The following PLSCR2 variants were observed in gnomAD, a reference collection of about 807,000 sequenced individuals.
PLSCR2 encodes PL scramblase 2.
PLSCR2 carries 18 observed loss-of-function variants against 25.3 expected under a neutral mutation model. The observed-to-expected ratio is 0.71, with a 90% CI of 0.49 to 1.06. The LOEUF is 1.06. Ranked by LOEUF, PLSCR2 falls within the 50% of genes least tolerant of loss-of-function variation. The pLI is 0.00. For synonymous variants in PLSCR2, 88 were observed against 87.3 expected (o/e 1.01, Z -0.04); for missense variants, 243 against 269.5 (o/e 0.90, Z 0.69).
chr3:146,404,331 TATAAG>T (rs1396603778), intron 2 of PLSCR2, among the ~76,000 whole-genome samples: 2 of 152,134 alleles, frequency 1.3e-5, no homozygotes, highest in African/African-American at 4.8e-5. Flanking sequence ...TGAGTGAACA[TATAAG>T]AGAAGGAAGG....
chr3:146,411,860 A>G (rs1322292823), intron 2 of PLSCR2, among the ~76,000 whole-genome samples: 2 of 152,122 alleles, frequency 1.3e-5, no homozygotes, highest in Non-Finnish European at 2.9e-5. Context: ...GGACTTTAAG[A>G]CTATTACAAG....
chr3:146,485,618 A>G (rs1407243710), intron 1 of PLSCR2, among the ~76,000 whole-genome samples: 1 of 152,144 alleles, frequency 6.6e-6, no homozygotes, highest in African/African-American at 2.4e-5. Flanking sequence ...ACCACAGCAC[A>G]ATCAAATTAA....
At chr3:146,439,684 AG>A (rs2040116205), downstream of PLSCR2, among the ~76,000 whole-genome samples, 1 of 152,016 alleles carries the variant, frequency 6.6e-6, no homozygotes. Flanking sequence ...TCTATTTTCA[AG>A]GTTTTTAGCT....
chr3:146,396,491 AT>A (rs1458183670), intron 2 of PLSCR2, among the ~76,000 whole-genome samples: 8 of 152,164 alleles, frequency 5.3e-5, no homozygotes, highest in African/African-American at 1.9e-4. Context: ...GGGTGCTATC[AT>A]GTAGTACAAC....
intron 1 of PLSCR2, among the ~76,000 whole-genome samples, chr3:146,492,160 C>A (rs536737): frequency 6.6e-6 from 1 of 151,986 alleles, no homozygotes; most frequent in Non-Finnish European, 1.5e-5. Context: ...GGAAACAGGC[C>A]TTCAGTTGTA....
At chr3:146,397,987 T>C (rs910083674) in intron 2 of PLSCR2, among the ~76,000 whole-genome samples, 1 of 152,024 alleles carries the variant, frequency 6.6e-6, no homozygotes, top group Non-Finnish European at 1.5e-5. Flanking sequence ...CAGGTAGTAT[T>C]TTAGTTAGGC....
chr3:146,490,388 C>T (rs1166833799), intron 1 of PLSCR2, among the ~76,000 whole-genome samples: 1 of 152,042 alleles, frequency 6.6e-6, no homozygotes, highest in African/African-American at 2.4e-5. Flanking sequence ...GAGAATACTT[C>T]CTTCCTTCTT....
chr3:146,493,630 CT>C (rs2043632980), intron 1 of PLSCR2, among the ~76,000 whole-genome samples: 1 of 151,924 alleles, frequency 6.6e-6, no homozygotes, highest in Admixed American at 6.6e-5. Context: ...AAGAATATAC[CT>C]CAAAATAATA....
In PLSCR2 at chr3:146,460,027, C is replaced by A. The variant is rs1428314573; in HGVS notation, c.-123G>T. The A allele has an allele frequency of 2.5e-6, 4 of 1,600,782 alleles. No individual in the cohort carries two copies. The Admixed American group carries it at 7.0e-5, about 28-fold the overall frequency. ...AAGGCCTGGGAGCCCAGGTGGTCAGCCTGTTTCCCAGTGTGTCCAGCCTGG... is the reference window on the plus strand; with the variant it reads ...AAGGCCTGGGAGCCCAGGTGGTCAGACTGTTTCCCAGTGTGTCCAGCCTGG... On this transcript the variant is annotated 5_prime_UTR_variant, in exon 2 of 7. Coordinates refer to ENST00000610787, the Ensembl canonical transcript of PLSCR2.
intron 1 of PLSCR2, among the ~76,000 whole-genome samples, chr3:146,471,704 T>G (rs147683594): frequency 2.0e-3 from 297 of 152,218 alleles, no homozygotes; most frequent in African/African-American, 6.9e-3. Context: ...GTAGCTGGGA[T>G]TACAGGCATA....
downstream of PLSCR2, among the ~76,000 whole-genome samples, chr3:146,440,548 C>A (rs980954489): frequency 1.3e-5 from 2 of 152,354 alleles, no homozygotes; most frequent in African/African-American, 4.8e-5. Context: ...GCGAGCGAGG[C>A]TCCATGGGCA....
In PLSCR2 at chr3:146,469,568, T is replaced by G. The variant is rs1342548346; in HGVS notation, c.-292-9284A>C. 5.1e-6 allele frequency: 5 copies of G among 985,282 alleles called. No homozygotes were observed. 61.0% of individuals were successfully genotyped at this position (985,282 alleles called of 1,614,324 possible). On this transcript the variant is annotated intron_variant, in intron 1 of 8. Transcript: ENST00000336685. Reference sequence around the variant, plus strand: ...GCGTGGCTTCCTCCCGTCTGCCCCGTGACTGCCAGGCACACCTGTTGCACA... The same window carrying G: ...GCGTGGCTTCCTCCCGTCTGCCCCGGGACTGCCAGGCACACCTGTTGCACA...
chr3:146,415,579 A>T (rs2038983314), intron 2 of PLSCR2, among the ~76,000 whole-genome samples: 1 of 152,136 alleles, frequency 6.6e-6, no homozygotes. Flanking sequence ...ATTTATGACA[A>T]GTTTATAATT....
chr3:146,462,736 A>G (rs1032165038), upstream of PLSCR2, among the ~76,000 whole-genome samples: 1 of 152,062 alleles, frequency 6.6e-6, no homozygotes, highest in Admixed American at 6.6e-5. Context: ...AAGTGCTGGG[A>G]TTATAGTCGT....
At chr3:146,450,566 T>C (rs768975128) in intron 5 of PLSCR2, among the ~76,000 whole-genome samples, 1 of 152,206 alleles carries the variant, frequency 6.6e-6, no homozygotes, top group Non-Finnish European at 1.5e-5. Context: ...GGCAGTGATC[T>C]TACATATGGG....
At chr3:146,481,420 G>T (rs2043125297) in intron 1 of PLSCR2, among the ~76,000 whole-genome samples, 1 of 152,136 alleles carries the variant, frequency 6.6e-6, no homozygotes, top group Non-Finnish European at 1.5e-5. Flanking sequence ...AAAATCACAA[G>T]CATTCCTATA....
upstream of PLSCR2, among the ~76,000 whole-genome samples, chr3:146,461,561 T>C (rs2041575794): frequency 6.6e-6 from 1 of 152,124 alleles, no homozygotes; most frequent in Non-Finnish European, 1.5e-5. Flanking sequence ...AGAGGATAAG[T>C]AAGTTACTTT....
At chr3:146,483,443 AC>A (rs2043206723) in intron 1 of PLSCR2, among the ~76,000 whole-genome samples, 1 of 62,236 alleles carries the variant, frequency 1.6e-5, no homozygotes, top group South Asian at 5.8e-4. Flanking sequence ...ATATATATAT[AC>A]ACATGTATGT....
intron 5 of PLSCR2, among the ~76,000 whole-genome samples, chr3:146,451,023 C>CA (rs1471576710): frequency 1.4e-5 from 2 of 140,508 alleles, no homozygotes; most frequent in African/African-American, 2.6e-5. Flanking sequence ...AAAAACAAAA[C>CA]AAAAAAATAT....
Sources: gnomAD v4.1 joint callset for allele counts (sites outside exome capture counted in the v4.1 genomes callset) on GRCh38, gnomAD v4.1.1 for gene constraint, MANE v1.5 for transcripts, NCBI Gene and HGNC (gene_info 2026-07-23, HGNC 2026-07-21) for gene names.